The following HSD17B2 variants were observed in gnomAD, a reference collection of about 807,000 sequenced individuals.
HSD17B2 encodes hydroxysteroid 17-beta dehydrogenase 2.
Under a neutral mutation model 26.9 loss-of-function variants are expected in HSD17B2, and 32 were observed. The ratio of observed to expected loss-of-function variants is 1.19; its 90% confidence interval spans 0.90 to 1.60. HSD17B2 has a LOEUF of 1.60. Ranked by LOEUF, HSD17B2 falls within the 40% of genes most tolerant of loss-of-function variation. The pLI is 0.00. For missense variants in HSD17B2, 613 were observed against 468.6 expected, an observed-to-expected ratio of 1.31 and a Z score of -2.85; for synonymous variants, 246 against 186.7, an observed-to-expected ratio of 1.32 and a Z score of -2.59.
intron 3 of HSD17B2, among the ~76,000 whole-genome samples, chr16:82,073,706 C>T (rs1254641154): frequency 6.6e-6 from 1 of 152,058 alleles, no homozygotes; most frequent in Non-Finnish European, 1.5e-5. Flanking sequence ...TTGGAGATGA[C>T]ACAAACAAAT....
At chr16:82,068,052 A>C (rs1914612178) in intron 1 of HSD17B2, 118 bp from the exon 2 acceptor site, 1 of 870,988 alleles carries the variant, frequency 1.1e-6, no homozygotes, top group African/African-American at 1.7e-5. Flanking sequence ...CTTCCTCAGG[A>C]ACCCCTCTCT....
At position 82,071,537 on chromosome 16, in the gene HSD17B2, T is replaced by C. The variant is rs142000706; in HGVS notation, c.664+410T>C. 1.0e-3 allele frequency: 319 copies of C among 304,288 alleles called. 1 individual carries two copies. Among genetic ancestry groups the C allele is most frequent in the African/African-American group, 6.7e-3 (305 of 45,782 alleles). The allele number at this position is 304,288 out of a possible 1,614,324, so 18.8% of individuals were successfully genotyped here. A position where few individuals can be genotyped will look rare whatever the true frequency, so the allele number is the denominator to read the frequency against. ...AGCTGAGTAGGCAATACCTTCCCTC[T>C]GTTTGTGCCATCAAACAAAAGCTGC... On this transcript the variant is annotated intron_variant, in intron 3 of 4. Coordinates refer to ENST00000199936, the MANE Select transcript of HSD17B2 (RefSeq NM_002153.3).
At chr16:82,070,089 T>C (rs1464208112) in intron 2 of HSD17B2, among the ~76,000 whole-genome samples, 1 of 152,192 alleles carries the variant, frequency 6.6e-6, no homozygotes, top group Non-Finnish European at 1.5e-5. Context: ...CTATCAGACA[T>C]CTTCCCTTAT....
chr16:82,084,251 T>C (rs1904459022), intron 3 of HSD17B2, among the ~76,000 whole-genome samples: 2 of 152,132 alleles, frequency 1.3e-5, no homozygotes, highest in South Asian at 4.1e-4. Context: ...GGGAGAATTC[T>C]TTCTGTAAGG....
chr16:82,037,493 G>T (rs1056553394), intron 1 of HSD17B2, among the ~76,000 whole-genome samples: 1 of 152,114 alleles, frequency 6.6e-6, no homozygotes, highest in South Asian at 2.1e-4. Flanking sequence ...CAGGACCAAA[G>T]AAAAATGTGG....
chr16:82,070,925 T>C lies in HSD17B2; in HGVS notation c.479-17T>C. ...TCCTCTTCCAGACACTCACTCATTA[T>C]GGTTTTCTGTCTCCAGGACTGTGGG... On this transcript the variant is annotated splice_polypyrimidine_tract_variant and intron_variant, in intron 2 of 4. Coordinates refer to ENST00000199936, the MANE Select transcript of HSD17B2 (RefSeq NM_002153.3). The C allele has an allele frequency of 1.2e-6, 2 of 1,605,862 alleles. No homozygotes were observed. Among genetic ancestry groups the C allele is most frequent in the South Asian group, 2.2e-5 (2 of 90,352 alleles).
chr16:82,071,104 T>C lies in HSD17B2; in HGVS notation c.641T>C (p.Leu214Pro). Residue 214 changes from leucine (L) to proline (P), a missense_variant, in exon 3 of 5, where the codon CTG (leucine) becomes CCG (proline). Leu to Pro is a moderately conservative substitution (Grantham distance 98). Transcript: ENST00000199936. ...CTTCTTAGAAAATCCAAAGGGAGGC[T>C]GGTGAATGTCAGCAGCATGGGAGGT... ...LPLLRKSKGRLVNVSSMGGGA... is the reference protein window; with the variant it reads ...LPLLRKSKGRPVNVSSMGGGA... The C allele has an allele frequency of 1.2e-6, 2 of 1,614,146 alleles. No homozygotes were observed. Among genetic ancestry groups the C allele is most frequent in the Non-Finnish European group, 1.7e-6 (2 of 1,180,016 alleles).
chr16:82,089,478 G>T (rs1422354138), intron 3 of HSD17B2, among the ~76,000 whole-genome samples: 1 of 152,140 alleles, frequency 6.6e-6, no homozygotes, highest in Non-Finnish European at 1.5e-5. Flanking sequence ...TACTGTCTTT[G>T]CTCCTTCATA....
chr16:82,041,796 C>T (rs1229825875), intron 1 of HSD17B2, among the ~76,000 whole-genome samples: 1 of 152,172 alleles, frequency 6.6e-6, no homozygotes, highest in African/African-American at 2.4e-5. Flanking sequence ...ATTCTCTACC[C>T]AGCAGCAAAG....
intron 1 of HSD17B2, among the ~76,000 whole-genome samples, chr16:82,040,796 A>AGAGCAGT (rs553896725): frequency 2.4e-4 from 36 of 152,326 alleles, no homozygotes; most frequent in Non-Finnish European, 4.4e-4. Flanking sequence ...ACTGAGTCTG[A>AGAGCAGT]GAGCAGTGAA....
chr16:82,070,949 G>A lies in HSD17B2; in HGVS notation c.486G>A (p.Trp162Ter). 1 of 1,613,352 alleles carries A rather than the reference G, an allele frequency of 6.2e-7. No homozygotes were observed. Among genetic ancestry groups the A allele is most frequent in the Non-Finnish European group, 8.5e-7 (1 of 1,179,412 alleles). Residue 162 changes from tryptophan to a stop codon, truncating the protein, a stop_gained, in exon 3 of 5, where the codon TGG becomes TGA. Transcript: ENST00000199936. LOFTEE classifies it high-confidence loss of function. The stretch of plus-strand genomic sequence containing the variant: ...ATGGTTTTCTGTCTCCAGGACTGTG[G>A]GCTGTGATCAACAATGCTGGGGTGC... ...VAAMLQDRGLWAVINNAGVLG... is the reference protein window; with the variant it reads ...VAAMLQDRGL
chr16:82,081,355 C>T (rs1230989356), intron 3 of HSD17B2, among the ~76,000 whole-genome samples: 3 of 152,140 alleles, frequency 2.0e-5, no homozygotes, highest in Non-Finnish European at 4.4e-5. Context: ...CTCCTTCCTC[C>T]TCCCCACTAA....
At chr16:82,050,385 A>G (rs1187559618) in intron 1 of HSD17B2, among the ~76,000 whole-genome samples, 1 of 149,448 alleles carries the variant, frequency 6.7e-6, no homozygotes, top group Non-Finnish European at 1.5e-5. Flanking sequence ...TTACTTTCCA[A>G]CTGCACCTAG....
In HSD17B2 at chr16:82,090,958, A is replaced by G; in HGVS notation, c.721A>G (p.Met241Val). ...SYGSSKAAVT[M>V]FSSVMRLELS... ...TGGCTCATCAAAGGCGGCTGTGACC[A>G]TGTTCTCATCAGTTATGAGACTGGA... Residue 241 changes from methionine to valine, a missense_variant, in exon 4 of 5, where the codon ATG becomes GTG. Coordinates refer to ENST00000199936, the MANE Select transcript of HSD17B2 (RefSeq NM_002153.3). 1 of 1,614,010 alleles carries G rather than the reference A, an allele frequency of 6.2e-7. No homozygotes were observed. The highest frequency in any genetic ancestry group is 8.5e-7 in the Non-Finnish European group (1 of 1,179,884).
chr16:82,049,081 C>G (rs1914026396), intron 1 of HSD17B2, among the ~76,000 whole-genome samples: 1 of 152,180 alleles, frequency 6.6e-6, no homozygotes, highest in South Asian at 2.1e-4. Flanking sequence ...CTGTTTATGA[C>G]CCTTTCATAT....
At position 82,084,747 on chromosome 16, in the gene HSD17B2, C is replaced by T. The variant is rs573770603; in HGVS notation, c.665-6155C>T. On this transcript the variant is annotated intron_variant, in intron 3 of 4. Transcript: ENST00000199936. The stretch of plus-strand genomic sequence containing the variant: ...GAATAAGAAGAGTTGAAGATAAACC[C>T]CTCTAAAACAGGTCTCCCTCTGGTG... Among the ~76,000 whole-genome samples the T allele has an allele frequency of 2.6e-5, 4 of 152,178 alleles. No individual in the cohort carries two copies. In the South Asian group the frequency reaches 8.3e-4, roughly 32 times the overall value.
chr16:82,049,925 A>G (rs950911805), intron 1 of HSD17B2, among the ~76,000 whole-genome samples: 1 of 152,244 alleles, frequency 6.6e-6, no homozygotes. Context: ...GTGGATATCA[A>G]CTGTCACTGT....
chr16:82,054,603 C>CA (rs1914210238), intron 1 of HSD17B2, among the ~76,000 whole-genome samples: 1 of 152,178 alleles, frequency 6.6e-6, no homozygotes, highest in Admixed American at 6.5e-5. Context: ...CCCCAGCCTC[C>CA]CAAAGTGCTG....
Position 82,098,404 on chromosome 16 carries a change from A to G in HSD17B2, c.1132A>G (p.Arg378Gly). 3 of 1,610,766 alleles carry G rather than the reference A, an allele frequency of 1.9e-6. No individual in the cohort carries two copies. The highest frequency in any genetic ancestry group is 2.5e-6 in the Non-Finnish European group (3 of 1,177,986). The change falls in exon 5 of 5, where the codon AGA (arginine) becomes GGA (glycine). Residue 378 changes from arginine (R) to glycine (G), a missense_variant. Transcript: ENST00000199936. Reference sequence around the variant, plus strand: ...AGACAAGCCCATGCCCAGAGCTCTAAGAATGCCTAACTACAAGAAAAAGGC... The same window carrying G: ...AGACAAGCCCATGCCCAGAGCTCTAGGAATGCCTAACTACAAGAAAAAGGC... ...GQDKPMPRAL[R>G]MPNYKKKAT
Sources: allele counts gnomAD v4.1 joint callset (sites outside exome capture counted in the v4.1 genomes callset), GRCh38; gene constraint gnomAD v4.1.1; transcripts MANE v1.5; gene names NCBI Gene and HGNC (gene_info 2026-07-23, HGNC 2026-07-21).